CTNND2: variants seen among roughly 807,000 people sequenced by gnomAD.
CTNND2 encodes the protein catenin delta 2, also known as catenin delta-2.
In CTNND2, 22 loss-of-function variants were observed where a neutral mutation model predicts 144.4. The observed-to-expected ratio is 0.15, with a 90% CI of 0.11 to 0.22. CTNND2 has a LOEUF of 0.22. Ranked by LOEUF, CTNND2 falls within the 10% of genes least tolerant of loss-of-function variation. The pLI is 1.00. For missense variants in CTNND2, 1,353 were observed against 1,618.8 expected, an observed-to-expected ratio of 0.84 and a Z score of 2.82; for synonymous variants, 751 against 695.6, an observed-to-expected ratio of 1.08 and a Z score of -1.25.
chr5:11,735,800 G>A lies in CTNND2; in HGVS notation c.38-3528C>T, dbSNP rs937923251. ...ATGATTGTGAGGCCTCCCCAGCCATGCAGAACTGTGAGTCCATGAAAACTC... is the reference window on the plus strand; with the variant it reads ...ATGATTGTGAGGCCTCCCCAGCCATACAGAACTGTGAGTCCATGAAAACTC... On this transcript the variant is annotated intron_variant, in intron 1 of 21. Coordinates refer to ENST00000304623, the MANE Select transcript of CTNND2 (RefSeq NM_001332.4). Among the ~76,000 whole-genome samples, 2 of 152,158 alleles carry A rather than the reference G, an allele frequency of 1.3e-5. 1 individual carries two copies.
chr5:11,209,071 T>C (rs1322372388), intron 10 of CTNND2, among the ~76,000 whole-genome samples: 2 of 152,122 alleles, frequency 1.3e-5, no homozygotes, highest in Non-Finnish European at 2.9e-5. Flanking sequence ...TTAATAAGTA[T>C]AAAGAAATGC....
intron 2 of CTNND2, among the ~76,000 whole-genome samples, chr5:11,727,763 CATTAATTTCATAAA>C (rs1787104685): frequency 6.6e-6 from 1 of 152,090 alleles, no homozygotes; most frequent in Non-Finnish European, 1.5e-5. Context: ...ATAATTTTGT[CATTAATTTCATAAA>C]ATGCTTTCCC....
chr5:11,721,690 G>GTGC (rs1786691450), intron 2 of CTNND2, among the ~76,000 whole-genome samples: 2 of 152,332 alleles, frequency 1.3e-5, no homozygotes, highest in South Asian at 4.1e-4. Flanking sequence ...AGTTCAGATG[G>GTGC]TGCTGCATGC....
At chr5:11,674,187 C>G (rs550198356) in intron 2 of CTNND2, among the ~76,000 whole-genome samples, 16 of 152,250 alleles carry the variant, frequency 1.1e-4, no homozygotes, top group South Asian at 4.1e-4. Flanking sequence ...TAAAGTGAAA[C>G]CATATCTACA....
At chr5:11,475,107 C>T (rs1272169751) in intron 3 of CTNND2, among the ~76,000 whole-genome samples, 1 of 152,222 alleles carries the variant, frequency 6.6e-6, no homozygotes, top group Non-Finnish European at 1.5e-5. Context: ...TACCGCCATT[C>T]TCTTCATACT....
At chr5:11,707,711 T>A (rs1785784337) in intron 2 of CTNND2, among the ~76,000 whole-genome samples, 1 of 143,466 alleles carries the variant, frequency 7.0e-6, no homozygotes, top group African/African-American at 3.0e-5. Context: ...TTCTTCCTAC[T>A]CTCTCTCTTA....
At chr5:11,719,177 T>A (rs1786520966) in intron 2 of CTNND2, among the ~76,000 whole-genome samples, 1 of 152,182 alleles carries the variant, frequency 6.6e-6, no homozygotes, top group South Asian at 2.1e-4. Context: ...CTGAAGTAAG[T>A]CTACTGATTC....
At chr5:11,133,725 G>A (rs1755845788) in intron 12 of CTNND2, among the ~76,000 whole-genome samples, 1 of 152,222 alleles carries the variant, frequency 6.6e-6, no homozygotes, top group African/African-American at 2.4e-5. Context: ...GTAAAGAGAA[G>A]TACCAATGAG....
chr5:10,999,369 T>G lies in CTNND2; in HGVS notation c.3085-6692A>C, dbSNP rs186635005. ...GTATTTTCTTGTTAAAATATCAACT[T>G]ATTGTAGGCCAGAGACTTCTTTTGT... On this transcript the variant is annotated intron_variant, in intron 18 of 21. Coordinates refer to ENST00000304623, the MANE Select transcript of CTNND2 (RefSeq NM_001332.4). 4.2e-3 allele frequency among the ~76,000 whole-genome samples: 634 copies of G among 152,330 alleles called. 2 individuals are homozygous for G. Among genetic ancestry groups the G allele is most frequent in the Admixed American group, 6.7e-3 (103 of 15,300 alleles).
chr5:11,382,595 C>CTCTGTGTGTGTGTGTGTGTG (rs1554046368), intron 7 of CTNND2, among the ~76,000 whole-genome samples: 3 of 130,148 alleles, frequency 2.3e-5, no homozygotes, highest in Admixed American at 7.5e-5. Context: ...GAGTGAGACT[C>CTCTGTGTGTGTGTGTGTGTG]TGTGTGTGTG....
intron 16 of CTNND2, among the ~76,000 whole-genome samples, chr5:11,073,891 T>C (rs1748623180): frequency 6.6e-6 from 1 of 152,256 alleles, no homozygotes; most frequent in African/African-American, 2.4e-5. Context: ...AGGTTTCTTT[T>C]TAAAATACTA....
At chr5:11,056,630 T>C (rs900504201) in intron 16 of CTNND2, among the ~76,000 whole-genome samples, 35 of 152,194 alleles carry the variant, frequency 2.3e-4, no homozygotes, top group Admixed American at 2.2e-3. Context: ...CTTAAGTATT[T>C]TAAATTCATG....
chr5:11,211,492 C>A (rs1344372310), intron 10 of CTNND2, among the ~76,000 whole-genome samples: 1 of 152,202 alleles, frequency 6.6e-6, no homozygotes, highest in Admixed American at 6.5e-5. Context: ...AATTCTAGGT[C>A]TGTTTTACAG....
chr5:11,365,327 A>G (rs1440353569), intron 7 of CTNND2, among the ~76,000 whole-genome samples: 2 of 152,236 alleles, frequency 1.3e-5, no homozygotes, highest in African/African-American at 4.8e-5. Context: ...TGTTGTTCCT[A>G]AAAAGTGAAC....
At chr5:11,166,914 G>A (rs769219959) in intron 11 of CTNND2, among the ~76,000 whole-genome samples, 94 of 152,176 alleles carry the variant, frequency 6.2e-4, no homozygotes, top group Admixed American at 1.0e-3. Context: ...AAATTAAAGC[G>A]TTTATCTTGA....
intron 9 of CTNND2, among the ~76,000 whole-genome samples, chr5:11,309,594 A>G (rs966169865): frequency 8.5e-5 from 13 of 152,168 alleles, no homozygotes; most frequent in African/African-American, 3.1e-4. Context: ...AAGGACTTGC[A>G]TTGTCTCAGA....
intron 1 of CTNND2, among the ~76,000 whole-genome samples, chr5:11,867,409 A>T (rs1295990857): frequency 6.6e-6 from 1 of 152,264 alleles, no homozygotes; most frequent in East Asian, 1.9e-4. Context: ...TCAGATTATT[A>T]TAATCAGCCA....
intron 1 of CTNND2, among the ~76,000 whole-genome samples, chr5:11,894,824 T>A (rs1319454510): frequency 1.3e-5 from 2 of 152,194 alleles, no homozygotes; most frequent in African/African-American, 4.8e-5. Flanking sequence ...GGTGCTGCAG[T>A]GTCTGTACCC....
At chr5:11,378,640 A>C (rs775003151) in intron 7 of CTNND2, among the ~76,000 whole-genome samples, 1 of 152,232 alleles carries the variant, frequency 6.6e-6, no homozygotes, top group Non-Finnish European at 1.5e-5. Context: ...TGAAAGGAGC[A>C]GCAGGAGCCA....
Sources: gnomAD v4.1 joint callset for allele counts (sites outside exome capture counted in the v4.1 genomes callset) on GRCh38, gnomAD v4.1.1 for gene constraint, MANE v1.5 for transcripts, NCBI Gene and HGNC (gene_info 2026-07-23, HGNC 2026-07-21) for gene names.